MIB1: variants seen among roughly 807,000 people sequenced by gnomAD.
MIB1 encodes MIB E3 ubiquitin protein ligase 1.
In MIB1, 278 loss-of-function variants were observed where a neutral mutation model predicts 124.5. That is an observed-to-expected ratio of 2.23 (90% CI 2.02 to 2.47). The LOEUF is 2.47. MIB1 is among the 30% of genes most tolerant of loss of function. MIB1 has a pLI of 0.00. For synonymous variants in MIB1, 446 were observed against 429.4 expected (o/e 1.04, Z -0.48); for missense variants, 957 against 1,254.4 (o/e 0.76, Z 3.58).
intron 12 of MIB1, among the ~76,000 whole-genome samples, chr18:21,821,407 C>G (rs7232711): frequency 0.93 from 140,838 of 151,764 alleles, 65,711 homozygotes; most frequent in South Asian, 0.98. Flanking sequence ...CTTTGCCCAT[C>G]GTCTATTCTC....
chr18:21,741,779 T>C lies in MIB1; in HGVS notation c.196T>C (p.Tyr66His), dbSNP rs1204837642. The C allele has an allele frequency of 6.2e-7, 1 of 1,608,276 alleles. No homozygotes were observed. The highest frequency in any genetic ancestry group is 1.1e-5 in the South Asian group (1 of 90,238). The change falls in exon 1 of 21, where the codon TAC becomes CAC. Residue 66 changes from tyrosine to histidine, a missense_variant. Transcript: ENST00000261537. The surrounding 1 kb of genome is among the most constrained non-coding windows in gnomAD (Gnocchi z 5.4). ...TAANYRCSGA[Y>H]DLRILDSAPT... is the part of the protein sequence containing the mutation. Reference sequence around the variant, plus strand: ...TGCCAACTACCGCTGCTCCGGGGCTTACGACCTCCGCATCCTGGACAGCGC... The same window carrying C: ...TGCCAACTACCGCTGCTCCGGGGCTCACGACCTCCGCATCCTGGACAGCGC...
chr18:21,777,238 G>A (rs2041299773), intron 4 of MIB1, among the ~76,000 whole-genome samples: 1 of 152,028 alleles, frequency 6.6e-6, no homozygotes, highest in Non-Finnish European at 1.5e-5. Context: ...GGCCAAAGTG[G>A]TGAAACCCTG....
At chr18:21,832,944 G>A (rs1275741894) in intron 12 of MIB1, among the ~76,000 whole-genome samples, 3 of 152,140 alleles carry the variant, frequency 2.0e-5, no homozygotes, top group African/African-American at 7.2e-5. Flanking sequence ...TGTGTTATGT[G>A]CCAGGTTCTC....
intron 18 of MIB1, 76 bp from the exon 19 acceptor site, chr18:21,857,052 CAT>C (rs1343166608): frequency 1.1e-6 from 1 of 907,372 alleles, no homozygotes; most frequent in East Asian, 2.5e-5. Context: ...AAATTTAAGT[CAT>C]AAAAATTAGC....
intron 10 of MIB1, among the ~76,000 whole-genome samples, chr18:21,810,882 T>C (rs1214306968): frequency 6.6e-6 from 1 of 151,974 alleles, no homozygotes; most frequent in Non-Finnish European, 1.5e-5. Context: ...ACAGACAAAT[T>C]AGACTTCATG....
chr18:21,838,260 G>T, intron 12 of MIB1, 105 bp from the exon 13 acceptor site: 1 of 685,618 alleles, frequency 1.5e-6, no homozygotes, highest in East Asian at 3.0e-5. Flanking sequence ...TTGTCTCTAA[G>T]AGCATTTTTT....
At chr18:21,806,605 TA>T (rs1313313451) in intron 10 of MIB1, among the ~76,000 whole-genome samples, 1 of 151,806 alleles carries the variant, frequency 6.6e-6, no homozygotes, top group African/African-American at 2.4e-5. Context: ...TAGATATTTA[TA>T]AATAGTTTTT....
intron 1 of MIB1, among the ~76,000 whole-genome samples, chr18:21,749,995 GAGTT>G (rs938565895): frequency 1.8e-4 from 27 of 151,658 alleles, no homozygotes; most frequent in Admixed American, 1.7e-3. Context: ...TTTAACCAGT[GAGTT>G]AGAAATTTTA....
At chr18:21,769,138 C>T (rs1285096691) in intron 3 of MIB1, among the ~76,000 whole-genome samples, 1 of 152,208 alleles carries the variant, frequency 6.6e-6, no homozygotes, top group Non-Finnish European at 1.5e-5. Context: ...GTTTCTGAGG[C>T]ACAGTGGGCA....
chr18:21,783,050 T>G (rs958545687), intron 6 of MIB1, among the ~76,000 whole-genome samples: 7 of 152,164 alleles, frequency 4.6e-5, no homozygotes, highest in Non-Finnish European at 8.8e-5. Context: ...AGTCTTTAAC[T>G]TAAAGTCTAT....
At chr18:21,777,226 C>G (rs1452712066) in intron 4 of MIB1, among the ~76,000 whole-genome samples, 2 of 152,006 alleles carry the variant, frequency 1.3e-5, no homozygotes, top group Non-Finnish European at 2.9e-5. Flanking sequence ...TGAGACCAGC[C>G]TGGCCAAAGT....
intron 9 of MIB1, 60 bp downstream of exon 9, chr18:21,800,034 A>G: frequency 2.2e-6 from 3 of 1,339,098 alleles, no homozygotes; most frequent in Non-Finnish European, 3.1e-6. Flanking sequence ...AATGAACCTT[A>G]TCCTCAACAA....
In MIB1 at chr18:21,846,985, T is replaced by C. The variant is rs750404279; in HGVS notation, c.2253T>C (p.Ser751=). The C allele has an allele frequency of 1.2e-6, 2 of 1,613,896 alleles. No homozygotes were observed. Among genetic ancestry groups the C allele is most frequent in the African/African-American group, 2.7e-5 (2 of 74,854 alleles). Residue 751 remains serine, a synonymous_variant, in exon 16 of 21, where the codon AGT becomes AGC. Coordinates refer to ENST00000261537, the MANE Select transcript of MIB1 (RefSeq NM_020774.4). The part of the protein sequence containing the change: ...GLGTQGAEKK[S]AASIACFLAA... ...GTACCCAGGGGGCAGAGAAGAAGAG[T>C]GCAGCATCTATTGCCTGTTTCTTGG...
chr18:21,765,697 T>G, intron 1 of MIB1, 75 bp from the exon 2 acceptor site: 3 of 1,436,624 alleles, frequency 2.1e-6, no homozygotes, highest in Non-Finnish European at 2.9e-6. Flanking sequence ...CTGTTCTTAT[T>G]TTTTTCCCCC....
At chr18:21,729,075 G>A (rs577041564) in intron 1 of MIB1, among the ~76,000 whole-genome samples, 1 of 152,312 alleles carries the variant, frequency 6.6e-6, no homozygotes, top group Non-Finnish European at 1.5e-5. Context: ...ATCTCAGGCA[G>A]GTGCCTGCAG....
intron 12 of MIB1, among the ~76,000 whole-genome samples, chr18:21,822,799 C>T (rs1229852628): frequency 6.6e-6 from 1 of 152,018 alleles, no homozygotes; most frequent in Admixed American, 6.6e-5. Context: ...TCTTTTTGGC[C>T]TTTATACTAT....
At chr18:21,781,620 G>A (rs1386492436) in intron 6 of MIB1, among the ~76,000 whole-genome samples, 2 of 151,234 alleles carry the variant, frequency 1.3e-5, no homozygotes, top group African/African-American at 4.9e-5. Context: ...TCACCATGTT[G>A]GCCAGGCTGA....
intron 12 of MIB1, chr18:21,831,057 A>G (rs534819977): frequency 2.0e-5 from 3 of 151,188 alleles, no homozygotes; most frequent in Middle Eastern, 3.4e-3. Context: ...GAAATGCTTC[A>G]GAAGAGGGGA....
At chr18:21,716,124 G>C (rs995523320) in intron 1 of MIB1, among the ~76,000 whole-genome samples, 1 of 152,290 alleles carries the variant, frequency 6.6e-6, no homozygotes, top group Middle Eastern at 3.4e-3. Flanking sequence ...AAAGCACCAG[G>C]TAACCCATAA....
Sources: gnomAD v4.1 joint callset for allele counts (sites outside exome capture counted in the v4.1 genomes callset) on GRCh38, gnomAD v4.1.1 for gene constraint, Gnocchi (gnomAD v3.1) non-coding constraint, MANE v1.5 for transcripts, NCBI Gene and HGNC (gene_info 2026-07-23, HGNC 2026-07-21) for gene names.